The following NRK variants were observed in gnomAD, a reference collection of about 807,000 sequenced individuals.
The protein encoded by NRK is nik-related protein kinase.
NRK carries 67 observed loss-of-function variants against 125.2 expected under a neutral mutation model. The ratio of observed to expected loss-of-function variants is 0.54; its 90% CI spans 0.44 to 0.66. NRK has a LOEUF of 0.66. NRK is among the 30% of genes least tolerant of loss of function. The pLI, the probability that NRK is intolerant of heterozygous loss-of-function variation, is 0.00. For synonymous variants in NRK, 458 were observed against 429.0 expected, an observed-to-expected ratio of 1.07 and a Z score of -0.84; for missense variants, 1,224 against 1,192.9, an observed-to-expected ratio of 1.03 and a Z score of -0.38.
At chrX:105,864,693 C>T (rs141160458) in intron 2 of NRK, among the ~76,000 whole-genome samples, 3 of 111,553 alleles carry the variant, frequency 2.7e-5, no homozygotes, top group African/African-American at 9.8e-5. Context: ...TTCCCTTTGG[C>T]TTTCTGTAAG....
chrX:105,865,110 C>T (rs5962592), intron 2 of NRK, among the ~76,000 whole-genome samples: 18,296 of 111,182 alleles, frequency 0.16, 1,301 homozygotes, highest in Middle Eastern at 0.3. Flanking sequence ...ATACTTGTTG[C>T]ACCCCTTAGC....
intron 28 of NRK, 63 bp downstream of exon 28, chrX:105,953,236 A>C: frequency 4.5e-6 from 4 of 879,688 alleles, no homozygotes; most frequent in Non-Finnish European, 6.0e-6. Context: ...AACCAACAAA[A>C]GAAATTTCTG....
chrX:105,842,594 G>A (rs1294459023), intron 2 of NRK, among the ~76,000 whole-genome samples: 1 of 112,071 alleles, frequency 8.9e-6, no homozygotes, highest in Non-Finnish European at 1.9e-5. Flanking sequence ...TCTAATGAAT[G>A]TATTTCTGAA....
At chrX:105,867,717 T>A (rs1337238176) in intron 2 of NRK, among the ~76,000 whole-genome samples, 1 of 111,941 alleles carries the variant, frequency 8.9e-6, no homozygotes, top group African/African-American at 3.2e-5. Flanking sequence ...TAATCATGGT[T>A]CCATCCAGAG....
intron 19 of NRK, among the ~76,000 whole-genome samples, chrX:105,931,999 T>C (rs2040601163): frequency 9.0e-6 from 1 of 111,310 alleles, no homozygotes; most frequent in Non-Finnish European, 1.9e-5. Context: ...AACAATTAAG[T>C]CTTGTTTCCC....
At chrX:105,929,352 T>G (rs1436775416) in intron 19 of NRK, among the ~76,000 whole-genome samples, 1 of 111,820 alleles carries the variant, frequency 8.9e-6, no homozygotes, top group Non-Finnish European at 1.9e-5. Flanking sequence ...CTTTTTCCAT[T>G]TCTTCATTTT....
chrX:105,929,262 CTTT>C (rs1189809801), intron 19 of NRK, among the ~76,000 whole-genome samples: 1 of 110,930 alleles, frequency 9.0e-6, no homozygotes, highest in Non-Finnish European at 1.9e-5. Context: ...TTTTTACATT[CTTT>C]GACTTTTAAC....
chrX:105,827,144 A>T (rs1347235816), intron 1 of NRK, among the ~76,000 whole-genome samples: 2 of 111,828 alleles, frequency 1.8e-5, no homozygotes, highest in African/African-American at 3.3e-5. Context: ...CACCATGTAA[A>T]TTGTGAAGCC....
At chrX:105,941,555 A>AGAGAGAGAGAG (rs2040741294) in intron 23 of NRK, among the ~76,000 whole-genome samples, 1 of 85,277 alleles carries the variant, frequency 1.2e-5, no homozygotes, top group Admixed American at 1.4e-4. Context: ...GAGAGACAGA[A>AGAGAGAGAGAG]AGAGAGAGAG....
intron 2 of NRK, among the ~76,000 whole-genome samples, chrX:105,832,392 T>C (rs375876884): frequency 9.0e-6 from 1 of 111,347 alleles, no homozygotes; most frequent in African/African-American, 3.3e-5. Flanking sequence ...ATCAGGTACC[T>C]TTCTATTCTC....
chrX:105,954,523 T>A (rs2040948066), intron 28 of NRK, among the ~76,000 whole-genome samples: 2 of 110,772 alleles, frequency 1.8e-5, no homozygotes, highest in Admixed American at 1.9e-4. Context: ...ATATTTTTAA[T>A]ATTTAAATTT....
chrX:105,895,971 C>A (rs775719478), intron 7 of NRK, among the ~76,000 whole-genome samples: 1 of 111,761 alleles, frequency 8.9e-6, no homozygotes, highest in South Asian at 3.8e-4. Context: ...GGATGAATTG[C>A]TTCTTTGGAT....
At chrX:105,829,345 A>G (rs765436572) in intron 1 of NRK, among the ~76,000 whole-genome samples, 2 of 112,353 alleles carry the variant, frequency 1.8e-5, no homozygotes, top group African/African-American at 6.4e-5. Context: ...CATATGCTCA[A>G]TAGTTTTCCT....
rs1296710323 is a variant in NRK, at chrX:105,835,824, T to C, written c.123+4705T>C. 2.7e-5 allele frequency among the ~76,000 whole-genome samples: 3 copies of C among 110,542 alleles called. No homozygotes were observed. The East Asian group carries it at 8.5e-4, about 31-fold the overall frequency. On this transcript the variant is annotated intron_variant, in intron 2 of 28. Coordinates refer to ENST00000243300, the MANE Select transcript of NRK (RefSeq NM_198465.4). Reference sequence around the variant, plus strand: ...GATCTGTACCATAAATCTGTATGTTTGTATAAATTTGTCCTGTGTCTATGG... The same window carrying C: ...GATCTGTACCATAAATCTGTATGTTCGTATAAATTTGTCCTGTGTCTATGG...
chrX:105,876,264 A>G (rs2039815045), intron 2 of NRK, among the ~76,000 whole-genome samples: 1 of 111,109 alleles, frequency 9.0e-6, no homozygotes, highest in Non-Finnish European at 1.9e-5. Context: ...TAAAAGAGTA[A>G]ATTTTAAGTG....
At chrX:105,836,556 C>T (rs956517548) in intron 2 of NRK, among the ~76,000 whole-genome samples, 1 of 111,992 alleles carries the variant, frequency 8.9e-6, no homozygotes, top group East Asian at 2.8e-4. Flanking sequence ...ACAATACCCT[C>T]ATGGAAAACA....
chrX:105,856,742 G>A (rs986462254), intron 2 of NRK, among the ~76,000 whole-genome samples: 13 of 111,751 alleles, frequency 1.2e-4, no homozygotes, highest in African/African-American at 4.2e-4. Flanking sequence ...AAATAGATTT[G>A]ATCAGTGAGT....
Position 105,900,822 on chromosome X carries a change from C to T in NRK, c.766+150C>T, listed in dbSNP as rs764902451. 6.1e-5 allele frequency: 24 copies of T among 392,925 alleles called. No homozygotes were observed. In the East Asian group the frequency reaches 8.1e-4, roughly 13 times the overall value. The allele number at this position is 392,925 out of a possible 1,213,427, so 32.4% of individuals were successfully genotyped here. ...AGGTGTCATACTATGTGCCAAACTACGAATGGTGGCCTTTTCAGTGATTAC... is the reference window on the plus strand; with the variant it reads ...AGGTGTCATACTATGTGCCAAACTATGAATGGTGGCCTTTTCAGTGATTAC... On this transcript the variant is annotated intron_variant, in intron 9 of 28. Transcript: ENST00000243300.
chrX:105,844,341 G>A (rs761027976), intron 2 of NRK, among the ~76,000 whole-genome samples: 2 of 110,526 alleles, frequency 1.8e-5, no homozygotes, highest in South Asian at 7.7e-4. Flanking sequence ...TGTGAAAATT[G>A]GTTTGACTGA....
Sources: gnomAD v4.1 joint callset for allele counts (sites outside exome capture counted in the v4.1 genomes callset) on GRCh38, gnomAD v4.1.1 for gene constraint, MANE v1.5 for transcripts, NCBI Gene and HGNC (gene_info 2026-07-23, HGNC 2026-07-21) for gene names.